The following CHL1 variants were observed in gnomAD, a reference collection of about 807,000 sequenced individuals.
CHL1 encodes cell adhesion molecule L1 like, also known as neural cell adhesion molecule L1-like protein.
In CHL1, 96 loss-of-function variants were observed where a neutral mutation model predicts 141.9. That is an observed-to-expected ratio of 0.68 (90% CI 0.57 to 0.80). CHL1 has a LOEUF of 0.80. Among genes scored for constraint, CHL1 ranks in the 30% least tolerant of loss-of-function variants. The probability of loss-of-function intolerance (pLI) is 0.00; values close to 1 mark genes in which losing one functional copy is unlikely to be tolerated. For synonymous variants in CHL1, 613 were observed against 502.2 expected (o/e 1.22, Z -2.95); for missense variants, 1,820 against 1,457.2 (o/e 1.25, Z -4.05).
At chr3:340,767 A>G in intron 5 of CHL1, 27 bp from the exon 6 acceptor site, 1 of 1,558,662 alleles carries the variant, frequency 6.4e-7, no homozygotes, top group Non-Finnish European at 8.8e-7. Context: ...TTTTAAAATA[A>G]CACATTAAAA....
chr3:203,309 C>A (rs1408003258), intron 1 of CHL1, among the ~76,000 whole-genome samples: 1 of 152,176 alleles, frequency 6.6e-6, no homozygotes, highest in African/African-American at 2.4e-5. Context: ...ATGTAAAATT[C>A]ATATTTCTGG....
intron 13 of CHL1, among the ~76,000 whole-genome samples, chr3:362,820 G>A (rs1271290539): frequency 2.0e-5 from 3 of 152,154 alleles, no homozygotes; most frequent in Non-Finnish European, 4.4e-5. Context: ...TGTTCTCCCA[G>A]GACAGCAGGA....
In CHL1 at chr3:395,198, G is replaced by T. The variant is rs530693081; in HGVS notation, c.3094+326G>T. Among the ~76,000 whole-genome samples, 8 of 152,268 alleles carry T rather than the reference G, an allele frequency of 5.3e-5. No individual in the cohort carries two copies. The South Asian group carries it at 8.3e-4, about 16-fold the overall frequency. The stretch of plus-strand genomic sequence containing the variant: ...AAAGCTATTCAAAAGGTTAGTAAAG[G>T]TACGTTTTTCTTTTAGAAATGTTTC... On this transcript the variant is annotated intron_variant, in intron 24 of 27. Coordinates refer to ENST00000256509, the MANE Select transcript of CHL1 (RefSeq NM_006614.4).
intron 2 of CHL1, among the ~76,000 whole-genome samples, chr3:286,730 T>A (rs545109621): frequency 2.5e-4 from 38 of 152,266 alleles, no homozygotes; most frequent in African/African-American, 7.9e-4. Flanking sequence ...TATTGATTAA[T>A]GCTAAACAAG....
chr3:344,466 A>AACACACAC lies in CHL1; in HGVS notation c.728-106_728-99dup, dbSNP rs56787746. 9.9e-4 allele frequency: 560 copies of AACACACAC among 563,004 alleles called. 1 individual carries two copies. Among genetic ancestry groups the AACACACAC allele is most frequent in the East Asian group, 6.6e-3 (215 of 32,530 alleles). The allele number at this position is 563,004 out of a possible 1,614,324, so 34.9% of individuals were successfully genotyped here. ...ATGGAAATATGTGAAATGTGTATAGAACACACACACACACACACACACACT... is the reference window on the plus strand; with the variant it reads ...ATGGAAATATGTGAAATGTGTATAGAACACACACACACACACACACACACACACACACT... On this transcript the variant is annotated intron_variant, in intron 8 of 27. Coordinates refer to ENST00000256509, the MANE Select transcript of CHL1 (RefSeq NM_006614.4).
chr3:407,939 T>G lies in CHL1; in HGVS notation c.*2228T>G, dbSNP rs1336876703. 6.6e-6 allele frequency: 1 copy of G among 152,138 alleles called. No homozygotes were observed. Among genetic ancestry groups the G allele is most frequent in the Non-Finnish European group, 1.5e-5 (1 of 68,016 alleles). 9.4% of individuals were successfully genotyped at this position (152,138 alleles called of 1,614,324 possible). A position where few individuals can be genotyped will look rare whatever the true frequency, so the allele number is the denominator to read the frequency against. ...ATGAAAAATGAGATTGAATGATGAC[T>G]ATGCTTTGCTATCATTGTTACCTTT... On this transcript the variant is annotated 3_prime_UTR_variant, in exon 28 of 28. Transcript: ENST00000256509.
chr3:235,387 C>T (rs1419343827), intron 1 of CHL1, among the ~76,000 whole-genome samples: 1 of 151,962 alleles, frequency 6.6e-6, no homozygotes, highest in African/African-American at 2.4e-5. Flanking sequence ...AAAAGCAAAA[C>T]CGTATCTACC....
intron 2 of CHL1, chr3:309,392 C>CTTCCTTCCTTCCTTCCTTCCT (rs142838718): frequency 1.9e-4 from 25 of 134,142 alleles, no homozygotes; most frequent in African/African-American, 6.5e-4. Flanking sequence ...TCCTTCCTTC[C>CTTCCTTCCTTCCTTCCTTCCT]TCCTTCCTTC....
At chr3:383,910 G>T (rs772200112) in intron 19 of CHL1, 24 bp downstream of exon 19, 1 of 1,520,570 alleles carries the variant, frequency 6.6e-7, no homozygotes, top group Non-Finnish European at 9.1e-7. Context: ...AATACGTTAT[G>T]TATTTCTTTG....
chr3:209,103 C>G (rs34374128), intron 1 of CHL1, among the ~76,000 whole-genome samples: 4,331 of 152,274 alleles, frequency 0.028, 67 homozygotes, highest in Middle Eastern at 0.051. Context: ...AAAAGTTGAA[C>G]AAAAGAAGCC....
intron 24 of CHL1, among the ~76,000 whole-genome samples, chr3:397,599 T>C (rs1461911021): frequency 6.6e-6 from 1 of 152,132 alleles, no homozygotes; most frequent in African/African-American, 2.4e-5. Flanking sequence ...TCATTTTATC[T>C]TCTACTATGA....
chr3:367,067 A>G (rs975838435), intron 15 of CHL1, among the ~76,000 whole-genome samples: 2 of 152,244 alleles, frequency 1.3e-5, no homozygotes, highest in Non-Finnish European at 2.9e-5. Flanking sequence ...TATAAAAGAG[A>G]ACATATAGAG....
chr3:267,086 T>C (rs528329385), intron 2 of CHL1, among the ~76,000 whole-genome samples: 10 of 152,350 alleles, frequency 6.6e-5, no homozygotes, highest in Admixed American at 2.6e-4. Context: ...TTTTGCAGTA[T>C]GTATTTCCTA....
chr3:292,742 C>G (rs1413811872), intron 2 of CHL1, among the ~76,000 whole-genome samples: 1 of 152,136 alleles, frequency 6.6e-6, no homozygotes, highest in Admixed American at 6.5e-5. Context: ...GAAGGTGAAG[C>G]GGAAGCAGGC....
At chr3:327,864 A>G (rs1172284813) in intron 4 of CHL1, among the ~76,000 whole-genome samples, 1 of 151,934 alleles carries the variant, frequency 6.6e-6, no homozygotes, top group Non-Finnish European at 1.5e-5. Context: ...TGTTTCTTGT[A>G]GTCTCCAGAA....
At chr3:214,138 A>G (rs1700114665) in intron 1 of CHL1, among the ~76,000 whole-genome samples, 2 of 152,168 alleles carry the variant, frequency 1.3e-5, no homozygotes, top group Admixed American at 1.3e-4. Context: ...CCAATAATCT[A>G]TTGAGGTGCT....
At chr3:225,969 A>AG (rs1701301059) in intron 1 of CHL1, among the ~76,000 whole-genome samples, 1 of 151,474 alleles carries the variant, frequency 6.6e-6, no homozygotes, top group South Asian at 2.1e-4. Flanking sequence ...AGATAGCACC[A>AG]GTGCACTTCA....
At chr3:337,503 C>T (rs1489235034) in intron 5 of CHL1, among the ~76,000 whole-genome samples, 1 of 151,808 alleles carries the variant, frequency 6.6e-6, no homozygotes, top group African/African-American at 2.4e-5. Flanking sequence ...TCTCCCAATG[C>T]TATCCCTCCC....
chr3:312,471 G>C (rs541662035), intron 2 of CHL1, among the ~76,000 whole-genome samples: 1 of 152,320 alleles, frequency 6.6e-6, no homozygotes, highest in Admixed American at 6.5e-5. Flanking sequence ...GTATTAGCCA[G>C]GCAGGTGATT....
Sources: gnomAD v4.1 joint callset for allele counts (sites outside exome capture counted in the v4.1 genomes callset) on GRCh38, gnomAD v4.1.1 for gene constraint, MANE v1.5 for transcripts, NCBI Gene and HGNC (gene_info 2026-07-23, HGNC 2026-07-21) for gene names.